STK39: variants seen among roughly 807,000 people sequenced by gnomAD.
The protein encoded by STK39 is serine/threonine kinase 39, also known as STE20/SPS1-related proline-alanine-rich protein kinase.
In STK39, 20 loss-of-function variants were observed where a neutral mutation model predicts 77.8. That is an observed-to-expected ratio of 0.26 (90% CI 0.18 to 0.37). The LOEUF is 0.37. STK39 is among the 10% of genes least tolerant of loss of function. STK39 has a pLI of 1.00. For missense variants in STK39, 479 were observed against 656.5 expected, an observed-to-expected ratio of 0.73 and a Z score of 2.95; for synonymous variants, 246 against 234.1, an observed-to-expected ratio of 1.05 and a Z score of -0.47.
intron 2 of STK39, among the ~76,000 whole-genome samples, chr2:168,173,889 C>T (rs1688890464): frequency 6.6e-6 from 1 of 152,192 alleles, no homozygotes; most frequent in Non-Finnish European, 1.5e-5. Context: ...ACCATTTATA[C>T]AGCAAACTCT....
At chr2:168,032,423 G>A (rs1356522690) in intron 14 of STK39, among the ~76,000 whole-genome samples, 1 of 152,090 alleles carries the variant, frequency 6.6e-6, no homozygotes, top group African/African-American at 2.4e-5. Context: ...AAGACTGTGG[G>A]GGTAATGTGT....
intron 14 of STK39, among the ~76,000 whole-genome samples, chr2:168,041,470 TAA>T (rs11334435): frequency 2.0e-5 from 3 of 149,820 alleles, no homozygotes; most frequent in Admixed American, 6.6e-5. Flanking sequence ...ATTGGCTCTT[TAA>T]AAAAAAAAAT....
intron 1 of STK39, among the ~76,000 whole-genome samples, chr2:168,195,266 G>A (rs1689439473): frequency 6.6e-6 from 1 of 152,134 alleles, no homozygotes; most frequent in Non-Finnish European, 1.5e-5. Context: ...CAGGCATGGT[G>A]GCACATACCT....
Position 168,058,916 on chromosome 2 carries a change from G to A in STK39, c.1376+4584C>T, listed in dbSNP as rs537680131. Among the ~76,000 whole-genome samples, 7 of 152,244 alleles carry A rather than the reference G, an allele frequency of 4.6e-5. No homozygotes were observed. The South Asian group carries it at 1.0e-3, about 23-fold the overall frequency. ...GATCATATCACTCTTTTGCTCACAGGCCTCCTGGTTTTCTGCCCTCTAACA... is the reference window on the plus strand; with the variant it reads ...GATCATATCACTCTTTTGCTCACAGACCTCCTGGTTTTCTGCCCTCTAACA... On this transcript the variant is annotated intron_variant, in intron 14 of 17. Transcript: ENST00000355999.
At chr2:168,127,755 A>G (rs1270886179) in intron 10 of STK39, among the ~76,000 whole-genome samples, 1 of 152,234 alleles carries the variant, frequency 6.6e-6, no homozygotes, top group Non-Finnish European at 1.5e-5. Flanking sequence ...AGAAAGTTAA[A>G]TCTTGTTAGA....
intron 10 of STK39, among the ~76,000 whole-genome samples, chr2:168,078,494 C>A (rs540110928): frequency 1.6e-4 from 24 of 152,108 alleles, no homozygotes; most frequent in African/African-American, 5.8e-4. Context: ...GAGCTGTCTG[C>A]AAATCTGCAA....
chr2:168,007,660 G>A (rs1246967062), intron 16 of STK39, among the ~76,000 whole-genome samples: 1 of 152,182 alleles, frequency 6.6e-6, no homozygotes, highest in African/African-American at 2.4e-5. Context: ...TTAAGCACCA[G>A]GGGGTGGGCA....
chr2:168,144,387 T>C (rs1343666506), intron 5 of STK39, among the ~76,000 whole-genome samples: 1 of 152,104 alleles, frequency 6.6e-6, no homozygotes, highest in African/African-American at 2.4e-5. Context: ...CACTGCAGCC[T>C]CAACCTCCCA....
chr2:168,218,771 C>T (rs1393363619), intron 1 of STK39, among the ~76,000 whole-genome samples: 1 of 152,242 alleles, frequency 6.6e-6, no homozygotes, highest in East Asian at 1.9e-4. Flanking sequence ...CTGAAAAAGA[C>T]GTGGGGAAAG....
intron 10 of STK39, among the ~76,000 whole-genome samples, chr2:168,082,362 C>A (rs1686256908): frequency 6.6e-6 from 1 of 151,774 alleles, no homozygotes; most frequent in Non-Finnish European, 1.5e-5. Flanking sequence ...TTGTGGCCCT[C>A]ACATCCTATC....
At position 167,964,743 on chromosome 2, in the gene STK39, TAGAGAGAAAGTTTCC is replaced by T; in HGVS notation, c.1499-32_1499-18del. On this transcript the variant is annotated intron_variant, in intron 16 of 17. Transcript: ENST00000355999. ...TAGCAGCCACTGTAAAATATAAACG[TAGAGAGAAAGTTTCC>T]AGATTATTTCCAATAACAGTGGATT... 1 of 1,598,326 alleles carries T rather than the reference TAGAGAGAAAGTTTCC, an allele frequency of 6.3e-7. No homozygotes were observed. Among genetic ancestry groups the T allele is most frequent in the East Asian group, 2.2e-5 (1 of 44,622 alleles).
In STK39 at chr2:168,247,302, G is replaced by GGGGCCA. The variant is rs1199299527; in HGVS notation, c.133_134insTGGCCC (p.Ala44_Pro45insLeuAla). 5.6e-5 allele frequency: 58 copies of GGGGCCA among 1,035,256 alleles called. No homozygotes were observed. The highest frequency in any genetic ancestry group is 6.7e-5 in the Non-Finnish European group (58 of 860,154). The allele number at this position is 1,035,256 out of a possible 1,614,324, so 64.1% of individuals were successfully genotyped here. A position where few individuals can be genotyped will look rare whatever the true frequency, so the allele number is the denominator to read the frequency against. The stretch of plus-strand genomic sequence containing the variant: ...AGCCTGTGCCGCCGGGGCCGGGGCC[G>GGGGCCA]GGGCCGGGGCCGCGGGAGCTGCCGG... On this transcript the variant is annotated inframe_insertion, in exon 1 of 18. Transcript: ENST00000355999.
At chr2:168,155,615 T>C (rs10198653) in intron 5 of STK39, among the ~76,000 whole-genome samples, 28,660 of 142,874 alleles carry the variant, frequency 0.2, 3,781 homozygotes, top group African/African-American at 0.4. Context: ...TTTCTGAGTA[T>C]AACCAGTTGC....
chr2:167,965,125 A>AG (rs1692116724), intron 16 of STK39, among the ~76,000 whole-genome samples: 1 of 120,438 alleles, frequency 8.3e-6, no homozygotes, highest in African/African-American at 3.1e-5. Flanking sequence ...TAGTGGGGAG[A>AG]AAAAAAAAAC....
At chr2:168,154,788 C>T (rs1011097619) in intron 5 of STK39, among the ~76,000 whole-genome samples, 1 of 152,136 alleles carries the variant, frequency 6.6e-6, no homozygotes, top group African/African-American at 2.4e-5. Context: ...ATAGCAAATG[C>T]TCAATAAATA....
intron 1 of STK39, among the ~76,000 whole-genome samples, chr2:168,188,929 C>T (rs1689272918): frequency 1.3e-5 from 2 of 152,160 alleles, no homozygotes; most frequent in Admixed American, 6.5e-5. Flanking sequence ...CCCAGTGCAG[C>T]AAGACCATGT....
intron 10 of STK39, among the ~76,000 whole-genome samples, chr2:168,105,619 T>C (rs986701200): frequency 2.6e-5 from 4 of 152,232 alleles, no homozygotes; most frequent in Non-Finnish European, 4.4e-5. Flanking sequence ...AGGGAAAATG[T>C]TAAATAAGCA....
At chr2:168,241,307 T>C (rs1690751990) in intron 1 of STK39, among the ~76,000 whole-genome samples, 1 of 152,194 alleles carries the variant, frequency 6.6e-6, no homozygotes, top group African/African-American at 2.4e-5. Context: ...TTTCTTTTAG[T>C]CAGCAGCATT....
In STK39 at chr2:168,140,682, G is replaced by A. The variant is rs778734921; in HGVS notation, c.705C>T (p.Thr235=). The A allele has an allele frequency of 4.3e-6, 7 of 1,611,344 alleles. No homozygotes were observed. In the African/African-American group the frequency reaches 9.4e-5, roughly 22 times the overall value. ...TGACTTCAGGAGCCATCCAACATGG[G>A]GTGCCAACGAATGTTTTTCTTACTT... ...RNKVRKTFVG[T]PCWMAPEVME... is the part of the protein sequence containing the mutation. Residue 235 remains threonine, a synonymous_variant, in exon 6 of 18, where the codon ACC becomes ACT. Transcript: ENST00000355999.
Sources: allele counts gnomAD v4.1 joint callset (sites outside exome capture counted in the v4.1 genomes callset), GRCh38; gene constraint gnomAD v4.1.1; transcripts MANE v1.5; gene names NCBI Gene and HGNC (gene_info 2026-07-23, HGNC 2026-07-21).